Variants in GLIS3 observed in about 807,000 individuals in gnomAD.
The protein encoded by GLIS3 is GLIS family zinc finger 3, also known as zinc finger protein GLIS3.
Under a neutral mutation model 78.6 loss-of-function variants are expected in GLIS3, and 53 were observed. The observed-to-expected ratio is 0.67, with a 90% CI of 0.54 to 0.85. The LOEUF is 0.85. Among genes scored for constraint, GLIS3 ranks in the 40% least tolerant of loss-of-function variants. GLIS3 has a pLI of 0.00. For synonymous variants in GLIS3, 684 were observed against 509.9 expected (o/e 1.34, Z -4.60); for missense variants, 1,703 against 1,231.1 (o/e 1.38, Z -5.74).
chr9:4,366,263 A>C, the GLIS3 span, among the ~76,000 whole-genome samples: 3 of 152,248 alleles, frequency 2.0e-5, no homozygotes, highest in Non-Finnish European at 4.4e-5. Flanking sequence ...CTTTGATCAT[A>C]TACCCAGCCA....
In GLIS3 at chr9:3,825,512, T is replaced by C. The variant is rs1817679401; in HGVS notation, c.*2760A>G. ...CTAGTTTTGTGTTTTGTTTCTGTTT[T>C]TAAGGGGAATGACAATCTCTGTTTG... On this transcript the variant is annotated 3_prime_UTR_variant, in exon 11 of 11. Transcript: ENST00000381971. The C allele has an allele frequency of 6.6e-6, 1 of 152,134 alleles. No homozygotes were observed. Among genetic ancestry groups the C allele is most frequent in the African/African-American group, 2.4e-5 (1 of 41,408 alleles). 9.4% of individuals were successfully genotyped at this position (152,134 alleles called of 1,614,324 possible).
intron 8 of GLIS3, among the ~76,000 whole-genome samples, chr9:3,860,268 C>A (rs1820101905): frequency 2.3e-5 from 1 of 42,800 alleles, no homozygotes. Flanking sequence ...GAGCAAGACT[C>A]TGTCAAAAAA....
intron 2 of GLIS3, among the ~76,000 whole-genome samples, chr9:4,158,101 C>T (rs2131069111): frequency 6.6e-6 from 1 of 152,286 alleles, no homozygotes; most frequent in East Asian, 1.9e-4. Flanking sequence ...CACATATTTT[C>T]TTACAGTAGA....
the GLIS3 span, among the ~76,000 whole-genome samples, chr9:4,476,922 G>A: frequency 6.6e-6 from 1 of 152,066 alleles, no homozygotes; most frequent in Admixed American, 6.5e-5. Flanking sequence ...AACAAATATT[G>A]GTGAGGATGT....
intron 2 of GLIS3, among the ~76,000 whole-genome samples, chr9:4,334,853 T>G (rs1817733871): frequency 1.3e-5 from 2 of 151,126 alleles, no homozygotes; most frequent in South Asian, 4.2e-4. Context: ...CCTGCTCTCT[T>G]CAACCCACAA....
At chr9:4,065,725 T>G (rs938978969) in intron 4 of GLIS3, among the ~76,000 whole-genome samples, 1 of 152,120 alleles carries the variant, frequency 6.6e-6, no homozygotes, top group Admixed American at 6.5e-5. Context: ...ATTTTCCAAG[T>G]GAAGAGGTCT....
At chr9:4,088,035 T>C (rs949848223) in intron 4 of GLIS3, among the ~76,000 whole-genome samples, 1 of 152,236 alleles carries the variant, frequency 6.6e-6, no homozygotes, top group Middle Eastern at 3.2e-3. Flanking sequence ...TTTGCCATAG[T>C]CGAACTCAGC....
At chr9:3,837,552 C>T (rs1275179724) in intron 9 of GLIS3, among the ~76,000 whole-genome samples, 1 of 152,146 alleles carries the variant, frequency 6.6e-6, no homozygotes, top group East Asian at 1.9e-4. Flanking sequence ...AATAAATAAA[C>T]TGCAGTACAT....
intron 2 of GLIS3, among the ~76,000 whole-genome samples, chr9:4,276,920 G>C (rs866438870): frequency 6.6e-6 from 1 of 152,094 alleles, no homozygotes; most frequent in African/African-American, 2.4e-5. Flanking sequence ...GTCTCTGGCT[G>C]TTTGGTTATT....
At chr9:4,454,679 T>C in the GLIS3 span, among the ~76,000 whole-genome samples, 1 of 152,232 alleles carries the variant, frequency 6.6e-6, no homozygotes, top group South Asian at 2.1e-4. Flanking sequence ...GCTACTCTCC[T>C]CTATTGCAGG....
chr9:4,185,375 G>A (rs900939995), intron 2 of GLIS3, among the ~76,000 whole-genome samples: 1 of 152,138 alleles, frequency 6.6e-6, no homozygotes, highest in East Asian at 1.9e-4. Flanking sequence ...CATTTGGATT[G>A]CTTCTATTTT....
At chr9:3,936,306 T>C (rs1357965873) in intron 5 of GLIS3, among the ~76,000 whole-genome samples, 3 of 152,100 alleles carry the variant, frequency 2.0e-5, no homozygotes, top group Admixed American at 1.3e-4. Context: ...ATCAACATAA[T>C]TGAGAAAATA....
chr9:4,474,985 A>T, the GLIS3 span, among the ~76,000 whole-genome samples: 1 of 114,490 alleles, frequency 8.7e-6, no homozygotes, highest in Non-Finnish European at 1.7e-5. Context: ...GACTATGTTA[A>T]TTTTTTTTTC....
At chr9:4,048,150 C>A (rs1242870744) in intron 4 of GLIS3, among the ~76,000 whole-genome samples, 1 of 152,122 alleles carries the variant, frequency 6.6e-6, no homozygotes, top group Non-Finnish European at 1.5e-5. Context: ...TATCCGACCC[C>A]TGAAGAAGAG....
chr9:4,458,480 G>A, the GLIS3 span, among the ~76,000 whole-genome samples: 1 of 152,174 alleles, frequency 6.6e-6, no homozygotes, highest in Non-Finnish European at 1.5e-5. Flanking sequence ...TGGAAGTAGA[G>A]TGTGTTACTT....
At chr9:4,323,247 T>C (rs527463364) in intron 2 of GLIS3, among the ~76,000 whole-genome samples, 2 of 152,302 alleles carry the variant, frequency 1.3e-5, no homozygotes, top group East Asian at 1.9e-4. Context: ...CAAACTATAC[T>C]ACAAACTATA....
At chr9:3,908,918 G>C (rs578197734) in intron 6 of GLIS3, among the ~76,000 whole-genome samples, 7 of 152,216 alleles carry the variant, frequency 4.6e-5, no homozygotes, top group African/African-American at 1.7e-4. Flanking sequence ...TATTCTAGGA[G>C]CAAAGGCATT....
intron 2 of GLIS3, among the ~76,000 whole-genome samples, chr9:4,176,078 C>A (rs1251212770): frequency 6.6e-6 from 1 of 152,154 alleles, no homozygotes; most frequent in Non-Finnish European, 1.5e-5. Flanking sequence ...CTTCTGTTCA[C>A]AGAACAAAAC....
intron 2 of GLIS3, among the ~76,000 whole-genome samples, chr9:4,284,586 C>T (rs866997020): frequency 7.3e-5 from 11 of 151,416 alleles, no homozygotes; most frequent in African/African-American, 2.7e-4. Context: ...CAAAACTAAT[C>T]TAGACCAAAA....
Sources: gnomAD v4.1 joint callset for allele counts (sites outside exome capture counted in the v4.1 genomes callset) on GRCh38, gnomAD v4.1.1 for gene constraint, MANE v1.5 for transcripts, NCBI Gene and HGNC (gene_info 2026-07-23, HGNC 2026-07-21) for gene names.